PCDHGB1: variants seen among roughly 807,000 people sequenced by gnomAD.
PCDHGB1 encodes protocadherin gamma-B1.
In PCDHGB1, 34 loss-of-function variants were observed where a neutral mutation model predicts 56.6. That is an observed-to-expected ratio of 0.60 (90% CI 0.46 to 0.80). PCDHGB1 has a LOEUF of 0.80. Ranked by LOEUF, PCDHGB1 falls within the 30% of genes least tolerant of loss-of-function variation. The pLI is 0.00. For missense variants in PCDHGB1, 1,278 were observed against 1,204.6 expected (o/e 1.06, Z -0.90); for synonymous variants, 561 against 505.9 (o/e 1.11, Z -1.46).
rs774211225 is a variant in PCDHGB1 at position 141,374,709 on chromosome 5, G to A, written c.2409+22040G>A. 28 of 1,608,934 alleles carry A rather than the reference G, an allele frequency of 1.7e-5. No individual in the cohort carries two copies. In the South Asian group the frequency reaches 1.9e-4, roughly 11 times the overall value. On this transcript the variant is annotated intron_variant, in intron 1 of 3. Transcript: ENST00000523390. ...GACCGGGAAGGAGAAGCCGTTTACCGCCTGGTCCTTACTGCCATGGATGGC... is the reference window on the plus strand; with the variant it reads ...GACCGGGAAGGAGAAGCCGTTTACCACCTGGTCCTTACTGCCATGGATGGC...
intron 1 of PCDHGB1, chr5:141,402,899 G>A: frequency 6.6e-7 from 1 of 1,516,814 alleles, no homozygotes; most frequent in Non-Finnish European, 8.8e-7. Context: ...GAAAGAACCT[G>A]ATGAAGCAGC....
At chr5:141,466,765 G>A (rs1199343616) in intron 1 of PCDHGB1, among the ~76,000 whole-genome samples, 1 of 151,996 alleles carries the variant, frequency 6.6e-6, no homozygotes, top group African/African-American at 2.4e-5. Context: ...TTTTCAAACT[G>A]TTATCTTATT....
chr5:141,377,157 T>C (rs1773738723), intron 1 of PCDHGB1: 1 of 152,278 alleles, frequency 6.6e-6, no homozygotes, highest in South Asian at 2.1e-4. Context: ...GTCCTAGTTT[T>C]TCTTTACCTT....
At chr5:141,409,201 A>G (rs2095240333) in intron 1 of PCDHGB1, 1 of 1,614,044 alleles carries the variant, frequency 6.2e-7, no homozygotes, top group Non-Finnish European at 8.5e-7. Flanking sequence ...AGTGTAAAGT[A>G]ATCATAGAAA....
At chr5:141,386,950 A>C (rs538175836) in intron 1 of PCDHGB1, among the ~76,000 whole-genome samples, 7 of 152,364 alleles carry the variant, frequency 4.6e-5, no homozygotes, top group Non-Finnish European at 8.8e-5. Context: ...GCAGTGCTTC[A>C]GTGCAGCAGA....
intron 1 of PCDHGB1, among the ~76,000 whole-genome samples, chr5:141,425,114 T>A (rs537694464): frequency 5.9e-5 from 9 of 152,326 alleles, no homozygotes; most frequent in African/African-American, 2.2e-4. Context: ...TGCCTACATT[T>A]TTCTTGAAGT....
intron 2 of PCDHGB1, among the ~76,000 whole-genome samples, chr5:141,502,139 C>T (rs923501238): frequency 6.6e-6 from 1 of 152,104 alleles, no homozygotes; most frequent in African/African-American, 2.4e-5. Flanking sequence ...TCAGTCGGGC[C>T]GGAAGTAAGG....
chr5:141,373,916 A>C (rs1769959777), intron 1 of PCDHGB1: 2 of 648,756 alleles, frequency 3.1e-6, no homozygotes, highest in African/African-American at 3.7e-5. Flanking sequence ...ACAACAAAGC[A>C]AATTAGACGG....
rs1340692426 is a variant in PCDHGB1 at position 141,485,025 on chromosome 5, A to C, written c.2410-9782A>C. ...CAAATCTACCCCGCCACCAGCAAAAACGGCGCGTAACCCTTGCGGCGCCGG... is the reference window on the plus strand; with the variant it reads ...CAAATCTACCCCGCCACCAGCAAAACCGGCGCGTAACCCTTGCGGCGCCGG... On this transcript the variant is annotated intron_variant, in intron 1 of 3. Transcript: ENST00000523390. This position sits in a 1 kb window ranked among gnomAD's most constrained non-coding sequence, Gnocchi z 5.7. 2 of 657,796 alleles carry C rather than the reference A, an allele frequency of 3.0e-6. No homozygotes were observed. The highest frequency in any genetic ancestry group is 5.4e-6 in the Non-Finnish European group (2 of 369,210). The allele number at this position is 657,796 out of a possible 1,614,324, so 40.7% of individuals were successfully genotyped here.
chr5:141,351,687 A>T lies in PCDHGB1; in HGVS notation c.1427A>T (p.Asp476Val). The T allele has an allele frequency of 6.2e-7, 1 of 1,613,944 alleles. No homozygotes were observed. The highest frequency in any genetic ancestry group is 2.2e-5 in the East Asian group (1 of 44,882). Residue 476 changes from aspartate to valine, a missense_variant, in exon 1 of 4, where the codon GAT becomes GTT. Physicochemically the swap from Asp to Val is radical, Grantham distance 152. Transcript: ENST00000523390. ...SIAQVSASDP[D>V]LGPNGRVSYS... The stretch of plus-strand genomic sequence containing the variant: ...GCACAAGTAAGCGCCTCCGACCCGG[A>T]TTTGGGACCCAACGGCAGAGTCTCC...
At position 141,491,971 on chromosome 5, in the gene PCDHGB1, T is replaced by C. The variant is rs62379205; in HGVS notation, c.2410-2836T>C. ...CCTACACTCAAAAAAGGCCGGGGCC[T>C]CCTTCGAGCTTCCGGTGAATTTCGG... is the stretch of plus-strand genomic sequence containing the variant. On this transcript the variant is annotated intron_variant, in intron 1 of 3. Coordinates refer to ENST00000523390, the MANE Select transcript of PCDHGB1 (RefSeq NM_018922.3). This position sits in a 1 kb window ranked among gnomAD's most constrained non-coding sequence, Gnocchi z 6.9. The C allele has an allele frequency of 0.2, 165,735 of 830,872 alleles. 17,637 individuals are homozygous for C. Among genetic ancestry groups the C allele is most frequent in the Admixed American group, 0.32 (8,466 of 26,688 alleles). 51.5% of individuals were successfully genotyped at this position (830,872 alleles called of 1,614,324 possible).
At chr5:141,381,556 T>G (rs1777268817) in intron 1 of PCDHGB1, among the ~76,000 whole-genome samples, 1 of 152,200 alleles carries the variant, frequency 6.6e-6, no homozygotes, top group Admixed American at 6.5e-5. Context: ...TGAATTGAAT[T>G]GCATAATGAA....
At chr5:141,354,251 A>G (rs1394196546) in intron 1 of PCDHGB1, among the ~76,000 whole-genome samples, 2 of 152,036 alleles carry the variant, frequency 1.3e-5, no homozygotes, top group East Asian at 1.9e-4. Flanking sequence ...TTATTTACCC[A>G]TTGTTTTAGG....
rs1022106778 is a variant in PCDHGB1, at chr5:141,384,657, C to A, written c.2409+31988C>A. ...CACCCCGCTCCGCAGAGCCCGGCTACCTGGTGACCAAGGTGGTGGCGGTGG... is the reference window on the plus strand; with the variant it reads ...CACCCCGCTCCGCAGAGCCCGGCTAACTGGTGACCAAGGTGGTGGCGGTGG... On this transcript the variant is annotated intron_variant, in intron 1 of 3. Transcript: ENST00000523390. 23 of 1,614,124 alleles carry A rather than the reference C, an allele frequency of 1.4e-5. No homozygotes were observed. The African/African-American group carries it at 2.0e-4, about 14-fold the overall frequency.
rs954948864 is a variant in PCDHGB1, at chr5:141,382,821, C to T, written c.2409+30152C>T. On this transcript the variant is annotated intron_variant, in intron 1 of 3. Transcript: ENST00000523390. ...GGATTCTGAGCTCCCCTTCCTAAGACAGAGGGGTCCACCCGGATACACCCG... is the reference window on the plus strand; with the variant it reads ...GGATTCTGAGCTCCCCTTCCTAAGATAGAGGGGTCCACCCGGATACACCCG... 3.1e-6 allele frequency: 4 copies of T among 1,306,294 alleles called. No homozygotes were observed. In the African/African-American group the frequency reaches 5.9e-5, roughly 19 times the overall value. The allele number at this position is 1,306,294 out of a possible 1,614,324, so 80.9% of individuals were successfully genotyped here. A position where few individuals can be genotyped will look rare whatever the true frequency, so the allele number is the denominator to read the frequency against.
intron 1 of PCDHGB1, chr5:141,417,926 C>T (rs779409064): frequency 6.2e-7 from 1 of 1,610,108 alleles, no homozygotes; most frequent in East Asian, 2.2e-5. Context: ...TTTGCTGCTG[C>T]CTTTGTTCTA....
intron 1 of PCDHGB1, among the ~76,000 whole-genome samples, chr5:141,443,323 A>AG (rs1262238603): frequency 1.3e-5 from 2 of 151,732 alleles, no homozygotes; most frequent in African/African-American, 4.9e-5. Context: ...TCTACAAAAA[A>AG]AAAAAACAAA....
At chr5:141,497,827 C>T (rs1390986916) in intron 2 of PCDHGB1, among the ~76,000 whole-genome samples, 3 of 152,188 alleles carry the variant, frequency 2.0e-5, no homozygotes, top group East Asian at 3.9e-4. Flanking sequence ...GGTGTGATCG[C>T]CCCCGGCCAC....
chr5:141,396,951 A>G (rs1444720599), intron 1 of PCDHGB1, among the ~76,000 whole-genome samples: 1 of 152,210 alleles, frequency 6.6e-6, no homozygotes, highest in African/African-American at 2.4e-5. Flanking sequence ...TAGGAAAGAA[A>G]ATCCTTACTC....
Sources: gnomAD v4.1 joint callset for allele counts (sites outside exome capture counted in the v4.1 genomes callset) on GRCh38, gnomAD v4.1.1 for gene constraint, Gnocchi (gnomAD v3.1) non-coding constraint, MANE v1.5 for transcripts, NCBI Gene and HGNC (gene_info 2026-07-23, HGNC 2026-07-21) for gene names.